GABBR2: variants seen among roughly 807,000 people sequenced by gnomAD.
GABBR2 encodes gamma-aminobutyric acid type B receptor subunit 2.
In GABBR2, 23 loss-of-function variants were observed where a neutral mutation model predicts 105.6. The observed-to-expected ratio is 0.22, with a 90% CI of 0.16 to 0.31. GABBR2 has a LOEUF of 0.31. GABBR2 is among the 10% of genes least tolerant of loss of function. GABBR2 has a pLI of 1.00. For missense variants in GABBR2, 734 were observed against 1,245.5 expected, an observed-to-expected ratio of 0.59 and a Z score of 6.18; for synonymous variants, 478 against 499.7, an observed-to-expected ratio of 0.96 and a Z score of 0.58.
chr9:98,375,005 C>T (rs1156719342), intron 11 of GABBR2: 1 of 152,162 alleles, frequency 6.6e-6, no homozygotes, highest in Non-Finnish European at 1.5e-5. Context: ...TCACCAGACA[C>T]CTACTGCCAG....
intron 1 of GABBR2, among the ~76,000 whole-genome samples, chr9:98,668,886 TG>T (rs1427005004): frequency 7.8e-4 from 44 of 56,350 alleles, no homozygotes; most frequent in Non-Finnish European, 2.6e-4. Flanking sequence ...TTCCATTTTG[TG>T]TGTGTGTGTG....
At position 98,703,849 on chromosome 9, in the gene GABBR2, A is replaced by G. The variant is rs542571679; in HGVS notation, c.321+4568T>C. Among the ~76,000 whole-genome samples, 12 of 151,896 alleles carry G rather than the reference A, an allele frequency of 7.9e-5. No homozygotes were observed. In the East Asian group the frequency reaches 1.5e-3, roughly 20 times the overall value. The stretch of plus-strand genomic sequence containing the variant: ...TATTTTTTAATAAAATTAAAAATTT[A>G]TATTTTATTGTATTGAGATTTAGTT... On this transcript the variant is annotated intron_variant, in intron 1 of 18. Coordinates refer to ENST00000259455, the MANE Select transcript of GABBR2 (RefSeq NM_005458.8).
chr9:98,393,033 TC>T (rs1832214290), intron 9 of GABBR2, among the ~76,000 whole-genome samples: 1 of 25,966 alleles, frequency 3.9e-5, no homozygotes, highest in Admixed American at 8.8e-4. Context: ...CATCCACCCA[TC>T]CATCCATCCA....
Position 98,454,281 on chromosome 9 carries a change from G to T in GABBR2, c.1000-64C>A. 9.4e-7 allele frequency: 1 copy of T among 1,060,402 alleles called. No individual in the cohort carries two copies. Among genetic ancestry groups the T allele is most frequent in the Non-Finnish European group, 1.5e-6 (1 of 677,258 alleles). 65.7% of individuals were successfully genotyped at this position (1,060,402 alleles called of 1,614,324 possible). On this transcript the variant is annotated intron_variant, in intron 6 of 18. Transcript: ENST00000259455. The surrounding 1 kb of genome is among the most constrained non-coding windows in gnomAD (Gnocchi z 4.6). ...TCGGCAGGGACATCAGGTGCCTGAT[G>T]CCGAGAAGAGCTGCTATTCTTCAAT... is the stretch of plus-strand genomic sequence containing the variant.
chr9:98,309,789 A>G (rs1388224209), intron 14 of GABBR2, among the ~76,000 whole-genome samples: 8 of 152,172 alleles, frequency 5.3e-5, no homozygotes, highest in Non-Finnish European at 4.4e-5. Flanking sequence ...TGTTGCTTGC[A>G]TGGGAGCTCA....
chr9:98,394,182 C>G lies in GABBR2; in HGVS notation c.1371G>C (p.Arg457Ser). The G allele has an allele frequency of 1.9e-6, 3 of 1,612,380 alleles. No individual in the cohort carries two copies. The highest frequency in any genetic ancestry group is 1.3e-5 in the African/African-American group (1 of 75,054). Residue 457 changes from arginine (R) to serine (S), a missense_variant, in exon 9 of 19, where the codon AGG becomes AGC. Arg to Ser is a moderately radical substitution (Grantham distance 110). Transcript: ENST00000259455. Reference protein sequence around the residue: ...DTLEIINDTIRFQGSEPPKDK... With the variant: ...DTLEIINDTISFQGSEPPKDK... ...GAAGCCCACCTGCCTTACCTTGGAA[C>G]CTGATGGTGTCATTGATGATCTCCA...
At chr9:98,387,985 T>A (rs137976566) in intron 10 of GABBR2, among the ~76,000 whole-genome samples, 5 of 152,300 alleles carry the variant, frequency 3.3e-5, no homozygotes, top group Non-Finnish European at 7.4e-5. Context: ...GGCAGAGCCA[T>A]GGCACCATGT....
intron 7 of GABBR2, among the ~76,000 whole-genome samples, chr9:98,413,546 A>G (rs1045800995): frequency 1.2e-4 from 19 of 152,208 alleles, no homozygotes; most frequent in African/African-American, 4.6e-4. Context: ...CTTTTGTTAG[A>G]CACAAGCCTT....
intron 3 of GABBR2, among the ~76,000 whole-genome samples, chr9:98,518,178 G>A (rs1347773044): frequency 1.3e-5 from 2 of 152,146 alleles, no homozygotes; most frequent in Non-Finnish European, 2.9e-5. Context: ...AGCAGTTGAT[G>A]CTCGTGACTC....
chr9:98,424,283 G>C (rs576921141), intron 7 of GABBR2, among the ~76,000 whole-genome samples: 116 of 148,506 alleles, frequency 7.8e-4, no homozygotes, highest in African/African-American at 2.2e-3. Context: ...ATTCAACAAC[G>C]CTTCATGCTA....
chr9:98,534,665 AAAC>A (rs1319668544), intron 3 of GABBR2, among the ~76,000 whole-genome samples: 4 of 152,258 alleles, frequency 2.6e-5, no homozygotes, highest in Non-Finnish European at 4.4e-5. Context: ...ATGCAAATTA[AAAC>A]AACAAGATAC....
intron 1 of GABBR2, among the ~76,000 whole-genome samples, chr9:98,623,797 T>C (rs1829700373): frequency 6.6e-6 from 1 of 152,324 alleles, no homozygotes; most frequent in East Asian, 1.9e-4. Flanking sequence ...TAGTCTCCCA[T>C]CTCTAGATCC....
At chr9:98,293,936 G>T in intron 17 of GABBR2, 34 bp from the exon 18 acceptor site, 1 of 1,244,436 alleles carries the variant, frequency 8.0e-7, no homozygotes, top group Non-Finnish European at 1.2e-6. Context: ...CAACATGTTC[G>T]GTTAACTTAG....
chr9:98,648,606 C>A (rs1830062443), intron 1 of GABBR2, among the ~76,000 whole-genome samples: 1 of 152,226 alleles, frequency 6.6e-6, no homozygotes, highest in Admixed American at 6.5e-5. Flanking sequence ...CTCTCCAAGT[C>A]TCAGTTTCTT....
intron 7 of GABBR2, among the ~76,000 whole-genome samples, chr9:98,413,890 A>G (rs998676898): frequency 1.3e-5 from 2 of 152,248 alleles, no homozygotes; most frequent in African/African-American, 2.4e-5. Context: ...AGGCTTATTT[A>G]GAACAACAAA....
chr9:98,634,600 A>T (rs891877896), intron 1 of GABBR2, among the ~76,000 whole-genome samples: 1 of 152,170 alleles, frequency 6.6e-6, no homozygotes, highest in South Asian at 2.1e-4. Flanking sequence ...ATCCTGCCCT[A>T]GTCTTCAGAG....
At chr9:98,641,891 C>G (rs1420653587) in intron 1 of GABBR2, among the ~76,000 whole-genome samples, 1 of 152,166 alleles carries the variant, frequency 6.6e-6, no homozygotes, top group Non-Finnish European at 1.5e-5. Context: ...GAGCCTGGCT[C>G]CATGTTAATT....
chr9:98,530,343 T>TG (rs1564105408), intron 3 of GABBR2, among the ~76,000 whole-genome samples: 2 of 152,138 alleles, frequency 1.3e-5, no homozygotes, highest in African/African-American at 4.8e-5. Flanking sequence ...TACAGGGACT[T>TG]GGGGGGATAT....
At chr9:98,420,850 T>C (rs1018030848) in intron 7 of GABBR2, among the ~76,000 whole-genome samples, 7 of 152,000 alleles carry the variant, frequency 4.6e-5, no homozygotes, top group Admixed American at 2.0e-4. Flanking sequence ...GAAGCAGAAA[T>C]AGTTCTAGGT....
Sources: allele counts gnomAD v4.1 joint callset (sites outside exome capture counted in the v4.1 genomes callset), GRCh38; gene constraint gnomAD v4.1.1; non-coding constraint Gnocchi (gnomAD v3.1); transcripts MANE v1.5; gene names NCBI Gene and HGNC (gene_info 2026-07-23, HGNC 2026-07-21).